BFAR: variants seen among roughly 807,000 people sequenced by gnomAD.
BFAR encodes the protein bifunctional apoptosis regulator.
A neutral mutation model predicts 54.4 loss-of-function variants in BFAR; 52 were observed. That is an observed-to-expected ratio of 0.96 (90% CI 0.77 to 1.21). BFAR has a LOEUF of 1.21. Ranked by LOEUF, BFAR falls within the 50% of genes most tolerant of loss-of-function variation. The pLI is 0.00. For missense variants in BFAR, 571 were observed against 534.0 expected (o/e 1.07, Z -0.68); for synonymous variants, 215 against 204.3 (o/e 1.05, Z -0.45).
At chr16:14,649,693 G>A (rs1044122003) in intron 3 of BFAR, 111 bp from the exon 4 acceptor site, 51 of 968,938 alleles carry the variant, frequency 5.3e-5, no homozygotes, top group African/African-American at 3.3e-5. Flanking sequence ...TACGGGCTCC[G>A]CATCATTCCC....
chr16:14,646,745 G>A (rs568675162), intron 2 of BFAR, among the ~76,000 whole-genome samples: 2 of 151,628 alleles, frequency 1.3e-5, no homozygotes, highest in East Asian at 2.0e-4. Flanking sequence ...TGATCCGCCC[G>A]CCTCAGCCTC....
At chr16:14,660,003 A>G (rs1478698227) in intron 5 of BFAR, among the ~76,000 whole-genome samples, 1 of 152,238 alleles carries the variant, frequency 6.6e-6, no homozygotes, top group Non-Finnish European at 1.5e-5. Context: ...ACACCTACTT[A>G]AAGTGTACGA....
chr16:14,667,344 A>G (rs907596875), intron 7 of BFAR: 2 of 408,530 alleles, frequency 4.9e-6, no homozygotes, highest in African/African-American at 4.0e-5. Context: ...CCTGTCTCAA[A>G]AGGAAAAAAA....
Position 14,649,801 on chromosome 16 carries a change from C to T in BFAR, c.469-3C>T, listed in dbSNP as rs1410272184. 5.7e-6 allele frequency: 9 copies of T among 1,588,878 alleles called. No individual in the cohort carries two copies. Among genetic ancestry groups the T allele is most frequent in the Non-Finnish European group, 7.7e-6 (9 of 1,164,602 alleles). Reference sequence around the variant, plus strand: ...GTTTAAAGTCCCTGTCACTTTTCCCCAGGTGGTCCTGCTCGTCTATCACTG... The same window carrying T: ...GTTTAAAGTCCCTGTCACTTTTCCCTAGGTGGTCCTGCTCGTCTATCACTG... On this transcript the variant is annotated splice_region_variant and splice_polypyrimidine_tract_variant and intron_variant, in intron 3 of 7. Coordinates refer to ENST00000261658, the MANE Select transcript of BFAR (RefSeq NM_016561.3).
At chr16:14,651,515 T>C (rs1457220597) in intron 4 of BFAR, among the ~76,000 whole-genome samples, 1 of 152,080 alleles carries the variant, frequency 6.6e-6, no homozygotes, top group Non-Finnish European at 1.5e-5. Flanking sequence ...AGGGTCTCAC[T>C]CTGTAGCCCA....
At chr16:14,643,322 A>C (rs75202475) in intron 1 of BFAR, among the ~76,000 whole-genome samples, 3 of 152,122 alleles carry the variant, frequency 2.0e-5, no homozygotes, top group Non-Finnish European at 4.4e-5. Context: ...AAAAAAAAAA[A>C]GGAAATTTAA....
intron 5 of BFAR, among the ~76,000 whole-genome samples, chr16:14,660,717 A>G (rs1486745066): frequency 6.6e-6 from 1 of 150,396 alleles, no homozygotes; most frequent in Non-Finnish European, 1.5e-5. Flanking sequence ...CCTGGCCAAC[A>G]TAGTGAAACC....
Position 14,659,225 on chromosome 16 carries a change from G to GTTTTTT in BFAR, c.784-2664_784-2659dup, listed in dbSNP as rs1295639386. On this transcript the variant is annotated intron_variant, in intron 5 of 7. Coordinates refer to ENST00000261658, the MANE Select transcript of BFAR (RefSeq NM_016561.3). ...TGCCCAGCCTGTAGTATGCAATTTG[G>GTTTTTT]TTTTTTTTGTTTTTTTTTGTTTTTT... is the stretch of plus-strand genomic sequence containing the variant. Among the ~76,000 whole-genome samples, 328 of 141,310 alleles carry GTTTTTT rather than the reference G, an allele frequency of 2.3e-3. 3 individuals carry two copies. Among genetic ancestry groups the GTTTTTT allele is most frequent in the Middle Eastern group, 4.3e-3 (1 of 230 alleles). The allele number at this position is 141,310 out of a possible 152,430, so 92.7% of individuals were successfully genotyped here.
rs961612641 is a variant in BFAR, at chr16:14,643,258, C to T, written c.-73-1016C>T. Reference sequence around the variant, plus strand: ...CTGGCAGGCAGAGGTTGACGTGAGCCAAGATCACACCACCGCACTCCAGCC... The same window carrying T: ...CTGGCAGGCAGAGGTTGACGTGAGCTAAGATCACACCACCGCACTCCAGCC... On this transcript the variant is annotated intron_variant, in intron 1 of 7. Transcript: ENST00000261658. 2.6e-5 allele frequency among the ~76,000 whole-genome samples: 4 copies of T among 151,468 alleles called. No individual in the cohort carries two copies. In the East Asian group the frequency reaches 7.8e-4, roughly 29 times the overall value.
chr16:14,646,400 C>G (rs1460949011), intron 2 of BFAR, among the ~76,000 whole-genome samples: 1 of 152,040 alleles, frequency 6.6e-6, no homozygotes, highest in African/African-American at 2.4e-5. Flanking sequence ...TTTGGCCAGG[C>G]TGGTCTCGAA....
At chr16:14,635,775 A>G (rs1959414431) in intron 1 of BFAR, among the ~76,000 whole-genome samples, 1 of 150,454 alleles carries the variant, frequency 6.6e-6, no homozygotes, top group African/African-American at 2.4e-5. Flanking sequence ...TTTTTTTTTA[A>G]GATGGAGTCC....
chr16:14,640,752 C>A (rs1959596708), intron 1 of BFAR, among the ~76,000 whole-genome samples: 1 of 152,196 alleles, frequency 6.6e-6, no homozygotes, highest in African/African-American at 2.4e-5. Flanking sequence ...CACATTAACA[C>A]CCTCTTATCC....
intron 5 of BFAR, among the ~76,000 whole-genome samples, chr16:14,659,244 G>GT (rs1404121780): frequency 9.0e-4 from 127 of 141,392 alleles, no homozygotes; most frequent in African/African-American, 3.1e-3. Context: ...GTTTTTTTTT[G>GT]TTTTTTGTTT....
rs773364020 is a variant in BFAR at position 14,655,177 on chromosome 16, C to T, written c.750C>T (p.Gly250=). The T allele has an allele frequency of 2.6e-5, 41 of 1,564,342 alleles. No individual in the cohort carries two copies. The highest frequency in any genetic ancestry group is 3.4e-4 in the Middle Eastern group (2 of 5,906). The change falls in exon 5 of 8, where the codon GGC becomes GGT. Residue 250 remains glycine, a synonymous_variant. Transcript: ENST00000261658. ...LMELERVKAL[G]VKPPQNLWEY... Reference sequence around the variant, plus strand: ...AGCTAGAACGTGTCAAAGCATTAGGCGTGAAGCCCCCCCAGAATCTCTGGG... The same window carrying T: ...AGCTAGAACGTGTCAAAGCATTAGGTGTGAAGCCCCCCCAGAATCTCTGGG...
chr16:14,659,590 G>A (rs148742860), intron 5 of BFAR, among the ~76,000 whole-genome samples: 5,449 of 144,260 alleles, frequency 0.038, 142 homozygotes, highest in Non-Finnish European at 0.053. Flanking sequence ...TCACTCTGTC[G>A]CCCAGGCTGG....
chr16:14,656,979 T>C (rs1415756206), intron 5 of BFAR, among the ~76,000 whole-genome samples: 1 of 151,858 alleles, frequency 6.6e-6, no homozygotes, highest in Non-Finnish European at 1.5e-5. Context: ...GGTGCATGCC[T>C]ATAATCCCAG....
intron 2 of BFAR, among the ~76,000 whole-genome samples, 188 bp downstream of exon 2, chr16:14,644,797 A>G (rs1005527935): frequency 1.3e-4 from 20 of 151,732 alleles, no homozygotes; most frequent in Non-Finnish European, 2.8e-4. Flanking sequence ...GTGAGCCACC[A>G]TGTCCAGCCA....
chr16:14,650,991 A>G (rs147511349), intron 4 of BFAR, among the ~76,000 whole-genome samples: 52 of 152,330 alleles, frequency 3.4e-4, no homozygotes, highest in African/African-American at 1.2e-3. Flanking sequence ...TGTGTAAGGA[A>G]AAATTCTCTC....
chr16:14,665,240 GT>G, intron 7 of BFAR, 169 bp downstream of exon 7: 2 of 652,258 alleles, frequency 3.1e-6, no homozygotes, highest in Non-Finnish European at 5.2e-6. Flanking sequence ...AATTACCTGT[GT>G]TTTGGGGGTG....
Sources: gnomAD v4.1 joint callset for allele counts (sites outside exome capture counted in the v4.1 genomes callset) on GRCh38, gnomAD v4.1.1 for gene constraint, MANE v1.5 for transcripts, NCBI Gene and HGNC (gene_info 2026-07-23, HGNC 2026-07-21) for gene names.